SLC14A2: variants seen among roughly 807,000 people sequenced by gnomAD.
SLC14A2 encodes the protein solute carrier family 14 member 2.
SLC14A2 carries 91 observed loss-of-function variants against 104.6 expected under a neutral mutation model. That is an observed-to-expected ratio of 0.87 (90% CI 0.73 to 1.04). The LOEUF (loss-of-function observed/expected upper bound fraction) is 1.04, where lower values mean the gene tolerates loss of function less well. Among genes scored for constraint, SLC14A2 ranks in the 50% least tolerant of loss-of-function variants. The probability of loss-of-function intolerance (pLI) is 0.00; values close to 1 mark genes in which losing one functional copy is unlikely to be tolerated. For missense variants in SLC14A2, 1,189 were observed against 1,156.0 expected (o/e 1.03, Z -0.41); for synonymous variants, 476 against 466.4 (o/e 1.02, Z -0.27).
chr18:45,472,363 A>G (rs2087266869), intron 1 of SLC14A2, among the ~76,000 whole-genome samples: 3 of 152,190 alleles, frequency 2.0e-5, no homozygotes, highest in Admixed American at 6.5e-5. Context: ...TTATAGTGGC[A>G]TGATTTATAA....
rs2043512596 is a variant in SLC14A2, at chr18:45,521,276, G to T, written c.-35+37954G>T. 2.6e-5 allele frequency among the ~76,000 whole-genome samples: 4 copies of T among 152,344 alleles called. 1 individual carries two copies. In the South Asian group the frequency reaches 8.3e-4, roughly 32 times the overall value. Reference sequence around the variant, plus strand: ...TGTGCTAGGCACTGAGTCCGACAGGGTTAAATGACTCATTCCAAGCTTACA... The same window carrying T: ...TGTGCTAGGCACTGAGTCCGACAGGTTTAAATGACTCATTCCAAGCTTACA... On this transcript the variant is annotated intron_variant, in intron 2 of 20. Coordinates refer to the SLC14A2 transcript ENST00000586448.
intron 2 of SLC14A2, among the ~76,000 whole-genome samples, chr18:45,512,712 GGA>G (rs1046300387): frequency 6.6e-6 from 1 of 152,122 alleles, no homozygotes; most frequent in African/African-American, 2.4e-5. Context: ...AGCCTCCCCG[GGA>G]GAGTCTGGTG....
chr18:45,667,406 A>G (rs1367958338), intron 13 of SLC14A2, among the ~76,000 whole-genome samples: 1 of 152,234 alleles, frequency 6.6e-6, no homozygotes, highest in East Asian at 1.9e-4. Flanking sequence ...TTCTAGAGCC[A>G]GCATTCTAGA....
intron 1 of SLC14A2, among the ~76,000 whole-genome samples, chr18:45,446,476 T>G (rs1367379927): frequency 6.6e-6 from 1 of 152,238 alleles, no homozygotes. Context: ...CCAACAATGC[T>G]GGCACCCTTG....
chr18:45,517,408 A>G (rs2043457045), intron 2 of SLC14A2, among the ~76,000 whole-genome samples: 1 of 152,140 alleles, frequency 6.6e-6, no homozygotes, highest in Non-Finnish European at 1.5e-5. Flanking sequence ...TTACGCCTCT[A>G]GGTCTCCAAA....
At chr18:45,543,814 C>G (rs1448569981) in intron 2 of SLC14A2, among the ~76,000 whole-genome samples, 1 of 152,226 alleles carries the variant, frequency 6.6e-6, no homozygotes. Context: ...AGAGTGTTCC[C>G]ACCGTTGCCT....
At chr18:45,286,743 T>C (rs1246835997) in intron 1 of SLC14A2, among the ~76,000 whole-genome samples, 2 of 152,208 alleles carry the variant, frequency 1.3e-5, no homozygotes, top group East Asian at 1.9e-4. Context: ...TGTGTCTGTG[T>C]GTCTCTGTGT....
At chr18:45,299,387 A>C (rs2144186645) in intron 1 of SLC14A2, among the ~76,000 whole-genome samples, 1 of 152,368 alleles carries the variant, frequency 6.6e-6, no homozygotes, top group African/African-American at 2.4e-5. Context: ...GCTCCCAGGA[A>C]AAGCCAGGGG....
intron 1 of SLC14A2, among the ~76,000 whole-genome samples, chr18:45,370,512 A>C (rs140677124): frequency 2.3e-4 from 35 of 152,334 alleles, no homozygotes; most frequent in African/African-American, 7.0e-4. Context: ...TCTCTAAAGA[A>C]AGACCCAAAA....
chr18:45,410,356 G>T (rs1027148065), intron 1 of SLC14A2, among the ~76,000 whole-genome samples: 1 of 152,102 alleles, frequency 6.6e-6, no homozygotes, highest in Non-Finnish European at 1.5e-5. Flanking sequence ...ACTTTCATGG[G>T]CAGGTCATTT....
At chr18:45,278,217 G>A (rs77598191) in intron 1 of SLC14A2, among the ~76,000 whole-genome samples, 6 of 152,198 alleles carry the variant, frequency 3.9e-5, no homozygotes, top group African/African-American at 1.2e-4. Context: ...TTTATTCAGT[G>A]TGACATTCTT....
chr18:45,628,852 G>T (rs2045302414), intron 4 of SLC14A2, among the ~76,000 whole-genome samples: 1 of 152,088 alleles, frequency 6.6e-6, no homozygotes, highest in Non-Finnish European at 1.5e-5. Flanking sequence ...TCTTACAGTG[G>T]GTTTCTCTCA....
At position 45,277,309 on chromosome 18, in the gene SLC14A2, C is replaced by T. The variant is rs186795915; in HGVS notation, c.-125+64118C>T. 2.0e-5 allele frequency among the ~76,000 whole-genome samples: 3 copies of T among 152,242 alleles called. No individual in the cohort carries two copies. The East Asian group carries it at 5.8e-4, about 29-fold the overall frequency. ...CATTAAAATATAAAAAGAAAAAAAG[C>T]CCAACACATTATAAGATGCCACAAC... On this transcript the variant is annotated intron_variant, in intron 1 of 20. Coordinates refer to the SLC14A2 transcript ENST00000586448.
intron 1 of SLC14A2, among the ~76,000 whole-genome samples, chr18:45,388,540 C>T (rs1380160237): frequency 6.6e-6 from 1 of 152,014 alleles, no homozygotes; most frequent in African/African-American, 2.4e-5. Context: ...GGCTATTTTT[C>T]GTCTGTTCTC....
At chr18:45,381,999 G>A (rs181417769) in intron 1 of SLC14A2, among the ~76,000 whole-genome samples, 3 of 152,120 alleles carry the variant, frequency 2.0e-5, no homozygotes, top group South Asian at 2.1e-4. Context: ...TAACATTTCC[G>A]CTTAGCACCC....
intron 2 of SLC14A2, among the ~76,000 whole-genome samples, chr18:45,598,332 G>A (rs2044742059): frequency 6.6e-6 from 1 of 152,086 alleles, no homozygotes; most frequent in Admixed American, 6.5e-5. Flanking sequence ...GGGCTTCAAA[G>A]CAGTGGAGAA....
chr18:45,623,197 T>A (rs2045203817), intron 1 of SLC14A2, among the ~76,000 whole-genome samples: 1 of 151,888 alleles, frequency 6.6e-6, no homozygotes, highest in Non-Finnish European at 1.5e-5. Flanking sequence ...AGAGGAGAGA[T>A]CTGACTTTTG....
At position 45,334,220 on chromosome 18, in the gene SLC14A2, G is replaced by A. The variant is rs112152349; in HGVS notation, c.-125+121029G>A. On this transcript the variant is annotated intron_variant, in intron 1 of 20. Coordinates refer to the SLC14A2 transcript ENST00000586448. The stretch of plus-strand genomic sequence containing the variant: ...TCATTGCCCTTTATTGTAAGTGGAA[G>A]TCTGCATATTAGGACCCCAAAGAAC... 3.5e-3 allele frequency among the ~76,000 whole-genome samples: 531 copies of A among 152,272 alleles called. 6 individuals are homozygous for A. The highest frequency in any genetic ancestry group is 0.012 in the African/African-American group (510 of 41,552).
At chr18:45,397,007 T>A (rs1389340762) in intron 1 of SLC14A2, among the ~76,000 whole-genome samples, 2 of 152,234 alleles carry the variant, frequency 1.3e-5, no homozygotes, top group African/African-American at 2.4e-5. Flanking sequence ...TCATTCTTTT[T>A]ATGGTGACAT....
Sources: allele counts gnomAD v4.1 joint callset (sites outside exome capture counted in the v4.1 genomes callset), GRCh38; gene constraint gnomAD v4.1.1; transcripts MANE v1.5; gene names NCBI Gene and HGNC (gene_info 2026-07-23, HGNC 2026-07-21).